Variants in SLCO3A1 observed in about 807,000 individuals in gnomAD.
SLCO3A1 encodes the protein PGE1 transporter.
SLCO3A1 carries 27 observed loss-of-function variants against 63.1 expected under a neutral mutation model. That is an observed-to-expected ratio of 0.43 (90% CI 0.32 to 0.59). The LOEUF (loss-of-function observed/expected upper bound fraction) is 0.59. Among genes scored for constraint, SLCO3A1 ranks in the 20% least tolerant of loss-of-function variants. The probability of loss-of-function intolerance (pLI) is 0.09; values close to 1 mark genes in which losing one functional copy is unlikely to be tolerated. For synonymous variants in SLCO3A1, 473 were observed against 409.9 expected (o/e 1.15, Z -1.86); for missense variants, 773 against 945.8 (o/e 0.82, Z 2.40).
chr15:92,083,897 G>A (rs2047375857), intron 2 of SLCO3A1, among the ~76,000 whole-genome samples: 1 of 152,178 alleles, frequency 6.6e-6, no homozygotes, highest in African/African-American at 2.4e-5. Context: ...ACTCACAGGT[G>A]AGAGTATGGA....
chr15:91,890,318 T>C (rs1289284023), intron 1 of SLCO3A1, among the ~76,000 whole-genome samples: 3 of 152,154 alleles, frequency 2.0e-5, no homozygotes, highest in East Asian at 1.9e-4. Context: ...CTTGCTGTGG[T>C]GGTGGTTGTA....
Position 91,853,763 on chromosome 15 carries a change from C to G in SLCO3A1, c.-146C>G, listed in dbSNP as rs1219705108. On this transcript the variant is annotated 5_prime_UTR_variant, in exon 1 of 10. Coordinates refer to ENST00000318445, the MANE Select transcript of SLCO3A1 (RefSeq NM_013272.4). ...AGCTGTGCCTTCCACCTCTCCAGCC[C>G]CGGCAGGACGGGGGCGGCCGCCGCG... 6 of 795,104 alleles carry G rather than the reference C, an allele frequency of 7.5e-6. No homozygotes were observed. In the South Asian group the frequency reaches 1.7e-4, roughly 22 times the overall value. The allele number at this position is 795,104 out of a possible 1,614,324, so 49.3% of individuals were successfully genotyped here.
chr15:91,864,854 C>T (rs1397825332), intron 1 of SLCO3A1, among the ~76,000 whole-genome samples: 2 of 152,214 alleles, frequency 1.3e-5, no homozygotes, highest in Non-Finnish European at 2.9e-5. Flanking sequence ...CGCTCTGTCA[C>T]GTCCTGGTTG....
At chr15:92,119,382 C>T (rs1310420115) in intron 4 of SLCO3A1, among the ~76,000 whole-genome samples, 1 of 152,178 alleles carries the variant, frequency 6.6e-6, no homozygotes, top group African/African-American at 2.4e-5. Flanking sequence ...TGCTTTCCGG[C>T]TCTGTCATTA....
chr15:92,117,031 A>G (rs1372773510), intron 4 of SLCO3A1, among the ~76,000 whole-genome samples: 1 of 152,258 alleles, frequency 6.6e-6, no homozygotes, highest in Non-Finnish European at 1.5e-5. Context: ...TATTAAGACA[A>G]AAGCAGGCAG....
chr15:92,022,289 A>G (rs2046519652), intron 2 of SLCO3A1, among the ~76,000 whole-genome samples: 1 of 152,232 alleles, frequency 6.6e-6, no homozygotes, highest in African/African-American at 2.4e-5. Flanking sequence ...GATTCGACTG[A>G]TTGTATTTAG....
At chr15:92,002,257 A>T (rs1232020884) in intron 2 of SLCO3A1, among the ~76,000 whole-genome samples, 1 of 152,154 alleles carries the variant, frequency 6.6e-6, no homozygotes, top group African/African-American at 2.4e-5. Flanking sequence ...TGTCCCTGAT[A>T]AGCAGCCAGG....
intron 1 of SLCO3A1, among the ~76,000 whole-genome samples, chr15:91,870,892 A>C (rs1261844128): frequency 6.8e-6 from 1 of 147,820 alleles, no homozygotes; most frequent in Non-Finnish European, 1.5e-5. Flanking sequence ...TCCCTTTTTT[A>C]GATGTTGTCT....
chr15:92,106,278 A>G lies in SLCO3A1; in HGVS notation c.1009+1736A>G, dbSNP rs572305749. 5.3e-5 allele frequency among the ~76,000 whole-genome samples: 8 copies of G among 152,354 alleles called. No homozygotes were observed. In the East Asian group the frequency reaches 1.5e-3, roughly 29 times the overall value. The stretch of plus-strand genomic sequence containing the variant: ...AACTTAAGTTCCAGAATGCACCGGT[A>G]GATGAGAAGGCCAGCCAATCTGTGT... On this transcript the variant is annotated intron_variant, in intron 4 of 9. Coordinates refer to ENST00000318445, the MANE Select transcript of SLCO3A1 (RefSeq NM_013272.4).
At chr15:91,904,059 G>A (rs79036689) in intron 1 of SLCO3A1, among the ~76,000 whole-genome samples, 6 of 58,232 alleles carry the variant, frequency 1.0e-4, no homozygotes, top group African/African-American at 5.1e-4. Flanking sequence ...TTCAGCGGGA[G>A]GGAGGGCCAC....
Position 91,916,028 on chromosome 15 carries a change from C to T in SLCO3A1, c.216C>T (p.Asn72=), listed in dbSNP as rs147724901. ...TGACCACCCTGGAGCGTAGGTTCAA[C>T]CTGCAGAGCGCTGACGTGGGTGTGA... ...SVLTTLERRF[N]LQSADVGVIA... Residue 72 remains asparagine, a synonymous_variant, in exon 2 of 10, where the codon AAC becomes AAT. Transcript: ENST00000318445. The surrounding 1 kb of genome is among the most constrained non-coding windows in gnomAD (Gnocchi z 6.2). 26,582 of 1,613,324 alleles carry T rather than the reference C, an allele frequency of 0.016. 273 individuals are homozygous for T. Among genetic ancestry groups the T allele is most frequent in the Non-Finnish European group, 0.02 (23,049 of 1,179,918 alleles).
At chr15:91,919,320 T>C (rs924735062) in intron 2 of SLCO3A1, among the ~76,000 whole-genome samples, 1 of 152,202 alleles carries the variant, frequency 6.6e-6, no homozygotes, top group Non-Finnish European at 1.5e-5. Flanking sequence ...CACAAGGGGC[T>C]CCTCTGGCTG....
At chr15:92,025,013 TCATC>T (rs2046554317) in intron 2 of SLCO3A1, among the ~76,000 whole-genome samples, 1 of 146,626 alleles carries the variant, frequency 6.8e-6, no homozygotes, top group Non-Finnish European at 1.5e-5. Flanking sequence ...ATCCATCTGT[TCATC>T]CATCCATCTG....
At chr15:92,064,001 C>T (rs2047118475) in intron 2 of SLCO3A1, among the ~76,000 whole-genome samples, 1 of 152,196 alleles carries the variant, frequency 6.6e-6, no homozygotes, top group Non-Finnish European at 1.5e-5. Flanking sequence ...GGGATGAACA[C>T]AGTTTAGGGA....
intron 1 of SLCO3A1, among the ~76,000 whole-genome samples, chr15:91,899,523 T>C (rs1898098142): frequency 6.6e-6 from 1 of 152,216 alleles, no homozygotes; most frequent in Non-Finnish European, 1.5e-5. Context: ...TGTGAACCTC[T>C]CCCAGTTCTG....
chr15:91,931,593 C>T (rs1899231011), intron 2 of SLCO3A1, among the ~76,000 whole-genome samples: 1 of 151,940 alleles, frequency 6.6e-6, no homozygotes, highest in Admixed American at 6.6e-5. Flanking sequence ...GTCTCAGACT[C>T]CCAAGTAGCT....
intron 2 of SLCO3A1, among the ~76,000 whole-genome samples, chr15:91,975,012 C>G (rs1447161666): frequency 6.6e-6 from 1 of 152,130 alleles, no homozygotes. Context: ...TACTGCAGTT[C>G]CTATCTGTAA....
chr15:91,959,938 T>G (rs1248452748), intron 2 of SLCO3A1, among the ~76,000 whole-genome samples: 1 of 152,102 alleles, frequency 6.6e-6, no homozygotes, highest in Non-Finnish European at 1.5e-5. Flanking sequence ...CTATTTGATT[T>G]GCCCATTCTT....
chr15:92,005,427 C>T (rs2046301963), intron 2 of SLCO3A1, among the ~76,000 whole-genome samples: 1 of 152,210 alleles, frequency 6.6e-6, no homozygotes, highest in Non-Finnish European at 1.5e-5. Flanking sequence ...ATCTTGACAT[C>T]CTGTGTGGTT....
Sources: gnomAD v4.1 joint callset for allele counts (sites outside exome capture counted in the v4.1 genomes callset) on GRCh38, gnomAD v4.1.1 for gene constraint, Gnocchi (gnomAD v3.1) non-coding constraint, MANE v1.5 for transcripts, NCBI Gene and HGNC (gene_info 2026-07-23, HGNC 2026-07-21) for gene names.